The following SENP6 variants were observed in gnomAD, a reference collection of about 807,000 sequenced individuals.
The protein encoded by SENP6 is sentrin-specific protease 6.
In SENP6, 41 loss-of-function variants were observed where a neutral mutation model predicts 134.5. That is an observed-to-expected ratio of 0.30 (90% confidence interval 0.24 to 0.40). The LOEUF (loss-of-function observed/expected upper bound fraction) is 0.40, where lower values mean the gene tolerates loss of function less well. Among genes scored for constraint, SENP6 ranks in the 10% least tolerant of loss-of-function variants. SENP6 has a pLI of 1.00. For synonymous variants in SENP6, 395 were observed against 429.8 expected, an observed-to-expected ratio of 0.92 and a Z score of 1.00; for missense variants, 1,248 against 1,312.5, an observed-to-expected ratio of 0.95 and a Z score of 0.76.
In SENP6 at chr6:75,716,361, A is replaced by G. The variant is rs150583979; in HGVS notation, c.*767A>G. On this transcript the variant is annotated 3_prime_UTR_variant, in exon 24 of 24. Coordinates refer to ENST00000447266, the MANE Select transcript of SENP6 (RefSeq NM_015571.4). The stretch of plus-strand genomic sequence containing the variant: ...CAAATATCCCGTGTTACCTTTCTCT[A>G]TTACAGCTTAAAGTATGCTACAATC... 2.6e-5 allele frequency: 4 copies of G among 152,162 alleles called. No individual in the cohort carries two copies. In the East Asian group the frequency reaches 7.7e-4, roughly 29 times the overall value. The allele number at this position is 152,162 out of a possible 1,614,324, so 9.4% of individuals were successfully genotyped here.
intron 3 of SENP6, among the ~76,000 whole-genome samples, chr6:75,632,646 A>G (rs917843450): frequency 1.3e-5 from 2 of 152,052 alleles, no homozygotes; most frequent in African/African-American, 4.8e-5. Context: ...GGATTCATCT[A>G]TTCACAGTAG....
At chr6:75,617,255 C>A (rs146074479) in intron 1 of SENP6, among the ~76,000 whole-genome samples, 4 of 88,680 alleles carry the variant, frequency 4.5e-5, no homozygotes, top group East Asian at 3.2e-4. Flanking sequence ...TGGAGAATTT[C>A]TTTCTTTCTT....
Position 75,678,928 on chromosome 6 carries a change from G to T in SENP6, c.2075+1G>T. 7.6e-7 allele frequency: 1 copy of T among 1,318,038 alleles called. No individual in the cohort carries two copies. Among genetic ancestry groups the T allele is most frequent in the Non-Finnish European group, 1.1e-6 (1 of 921,234 alleles). 81.6% of individuals were successfully genotyped at this position (1,318,038 alleles called of 1,614,324 possible). ...ATGTTATTATAGACTTTTATTTGAA[G>T]TAAGTTAATTTTCCACTGATCTTTT... On this transcript the variant is annotated splice_donor_variant, in intron 16 of 23. Transcript: ENST00000447266. LOFTEE classifies it high-confidence loss of function.
intron 1 of SENP6, among the ~76,000 whole-genome samples, chr6:75,605,161 C>T (rs906582832): frequency 1.9e-4 from 29 of 152,216 alleles, no homozygotes; most frequent in Non-Finnish European, 3.4e-4. Context: ...CATACATAGG[C>T]TCCTAGGATT....
intron 16 of SENP6, among the ~76,000 whole-genome samples, chr6:75,694,337 C>G (rs909526592): frequency 6.6e-6 from 1 of 152,202 alleles, no homozygotes; most frequent in African/African-American, 2.4e-5. Flanking sequence ...AGTTCTTTCT[C>G]TTTATTTTCT....
At chr6:75,610,021 C>G (rs959202395) in intron 1 of SENP6, among the ~76,000 whole-genome samples, 2 of 152,148 alleles carry the variant, frequency 1.3e-5, no homozygotes, top group Non-Finnish European at 2.9e-5. Flanking sequence ...CTCCTGACCT[C>G]AAGTGATCCA....
At chr6:75,608,518 GAAA>G (rs1582648782) in intron 1 of SENP6, among the ~76,000 whole-genome samples, 1 of 151,534 alleles carries the variant, frequency 6.6e-6, no homozygotes, top group African/African-American at 2.4e-5. Flanking sequence ...AGGAAGGAAA[GAAA>G]GAAGGAAAGA....
intron 21 of SENP6, among the ~76,000 whole-genome samples, chr6:75,711,916 G>A (rs769699863): frequency 2.0e-5 from 3 of 152,132 alleles, no homozygotes; most frequent in Admixed American, 1.3e-4. Context: ...CAAGTGATCC[G>A]CCCCTCTGAG....
intron 11 of SENP6, 38 bp from the exon 12 acceptor site, chr6:75,675,397 G>A (rs765048847): frequency 8.4e-7 from 1 of 1,190,348 alleles, no homozygotes; most frequent in Non-Finnish European, 1.2e-6. Flanking sequence ...GCCTTTCTTT[G>A]TAAGTCTAGA....
chr6:75,709,751 C>A, intron 20 of SENP6, 121 bp downstream of exon 20: 1 of 591,276 alleles, frequency 1.7e-6, no homozygotes, highest in South Asian at 2.6e-5. Flanking sequence ...AGAAAGATCT[C>A]TTGAGCCTAG....
At chr6:75,666,654 A>G (rs1307029003) in intron 9 of SENP6, 58 bp from the exon 10 acceptor site, 2 of 880,528 alleles carry the variant, frequency 2.3e-6, no homozygotes, top group Non-Finnish European at 1.5e-6. Context: ...ACAGAAATGA[A>G]ATATAAAATT....
intron 17 of SENP6, among the ~76,000 whole-genome samples, chr6:75,696,636 C>T (rs1774683515): frequency 1.3e-5 from 2 of 152,134 alleles, no homozygotes; most frequent in East Asian, 3.9e-4. Context: ...GCCACTCCAC[C>T]CAGCTAATTT....
chr6:75,696,334 A>G (rs1237239492), intron 17 of SENP6, among the ~76,000 whole-genome samples: 5 of 152,228 alleles, frequency 3.3e-5, no homozygotes, highest in Non-Finnish European at 4.4e-5. Context: ...TTAGATACTT[A>G]CTAACTACAG....
At chr6:75,609,566 G>C (rs1767285763) in intron 1 of SENP6, among the ~76,000 whole-genome samples, 1 of 151,910 alleles carries the variant, frequency 6.6e-6, no homozygotes, top group African/African-American at 2.4e-5. Flanking sequence ...ATACCTACCT[G>C]GTATTTTTTC....
intron 9 of SENP6, among the ~76,000 whole-genome samples, chr6:75,664,404 A>G (rs888333747): frequency 2.0e-5 from 3 of 151,990 alleles, no homozygotes; most frequent in African/African-American, 4.8e-5. Flanking sequence ...GTCTGTATGT[A>G]TATATATATA....
intron 16 of SENP6, among the ~76,000 whole-genome samples, chr6:75,683,273 G>A (rs1773591449): frequency 6.6e-6 from 1 of 151,876 alleles, no homozygotes; most frequent in Non-Finnish European, 1.5e-5. Flanking sequence ...TTGTAAATTT[G>A]TTTGAGTTCA....
chr6:75,605,767 G>A (rs1357416809), intron 1 of SENP6, among the ~76,000 whole-genome samples: 1 of 152,060 alleles, frequency 6.6e-6, no homozygotes, highest in East Asian at 1.9e-4. Flanking sequence ...GGCGCAAGGG[G>A]GTGTAATGAT....
At chr6:75,681,132 C>A (rs1316272678) in intron 16 of SENP6, among the ~76,000 whole-genome samples, 1 of 152,152 alleles carries the variant, frequency 6.6e-6, no homozygotes, top group Non-Finnish European at 1.5e-5. Flanking sequence ...GTGTCCCCGC[C>A]CAAATCTCAT....
intron 3 of SENP6, among the ~76,000 whole-genome samples, chr6:75,630,230 C>A (rs1013039302): frequency 6.6e-6 from 1 of 151,924 alleles, no homozygotes; most frequent in Admixed American, 6.6e-5. Flanking sequence ...TCACCACACC[C>A]GGCAAATTTT....
Sources: allele counts gnomAD v4.1 joint callset (sites outside exome capture counted in the v4.1 genomes callset), GRCh38; gene constraint gnomAD v4.1.1; transcripts MANE v1.5; gene names NCBI Gene and HGNC (gene_info 2026-07-23, HGNC 2026-07-21).